MACROD2: variants seen among roughly 807,000 people sequenced by gnomAD.
MACROD2 encodes the protein mono-ADP ribosylhydrolase 2.
MACROD2 carries 36 observed loss-of-function variants against 70.4 expected under a neutral mutation model. The observed-to-expected ratio is 0.51, with a 90% CI of 0.39 to 0.68. The LOEUF is 0.68. Among genes scored for constraint, MACROD2 ranks in the 30% least tolerant of loss-of-function variants. The probability of loss-of-function intolerance (pLI) is 0.00; values close to 1 mark genes in which losing one functional copy is unlikely to be tolerated. For missense variants in MACROD2, 496 were observed against 538.4 expected (o/e 0.92, Z 0.78); for synonymous variants, 172 against 178.8 (o/e 0.96, Z 0.30).
chr20:16,002,337 C>A (rs67890822), intron 15 of MACROD2, among the ~76,000 whole-genome samples: 1 of 152,064 alleles, frequency 6.6e-6, no homozygotes, highest in Non-Finnish European at 1.5e-5. Flanking sequence ...ATCCCAGGAA[C>A]CTTTCCATGT....
chr20:15,696,889 A>G (rs1332145402), intron 8 of MACROD2, among the ~76,000 whole-genome samples: 1 of 151,058 alleles, frequency 6.6e-6, no homozygotes, highest in Non-Finnish European at 1.5e-5. Flanking sequence ...TCAGTGGTGT[A>G]GGTTGTAATA....
intron 5 of MACROD2, among the ~76,000 whole-genome samples, chr20:15,184,734 T>A (rs900288142): frequency 6.6e-6 from 1 of 152,228 alleles, no homozygotes; most frequent in African/African-American, 2.4e-5. Flanking sequence ...GTCTTCCCAG[T>A]TCCCCAGGAG....
chr20:15,403,454 GGA>G (rs72042043), intron 6 of MACROD2, among the ~76,000 whole-genome samples: 6,056 of 150,250 alleles, frequency 0.04, 370 homozygotes, highest in African/African-American at 0.14. Context: ...AGGAGGAGGA[GGA>G]GAGAGATTGT....
chr20:15,030,203 G>T (rs1470601642), intron 5 of MACROD2, among the ~76,000 whole-genome samples: 1 of 152,068 alleles, frequency 6.6e-6, no homozygotes, highest in Non-Finnish European at 1.5e-5. Context: ...AACTGTGGAA[G>T]GTCCCTTTGC....
chr20:14,520,955 G>GCA (rs1367185107), intron 4 of MACROD2, among the ~76,000 whole-genome samples: 1 of 80,880 alleles, frequency 1.2e-5, no homozygotes, highest in East Asian at 7.4e-4. Context: ...GCGTGCGTGC[G>GCA]CGCACACACA....
intron 5 of MACROD2, among the ~76,000 whole-genome samples, chr20:14,748,112 C>G (rs984815686): frequency 1.3e-5 from 2 of 152,026 alleles, no homozygotes; most frequent in Admixed American, 6.6e-5. Flanking sequence ...TGAGCCTTTC[C>G]TTCTCCTGTC....
At chr20:14,282,609 A>G (rs2082315132) in intron 3 of MACROD2, among the ~76,000 whole-genome samples, 1 of 152,168 alleles carries the variant, frequency 6.6e-6, no homozygotes, top group Non-Finnish European at 1.5e-5. Flanking sequence ...TGGGTAATTT[A>G]AAAATAAAAG....
chr20:15,111,875 A>G (rs77166251), intron 5 of MACROD2, among the ~76,000 whole-genome samples: 1 of 152,208 alleles, frequency 6.6e-6, no homozygotes, highest in Non-Finnish European at 1.5e-5. Context: ...GTCAGATGCC[A>G]GGTGCTGTTA....
chr20:14,713,893 G>A (rs936520055), intron 5 of MACROD2, among the ~76,000 whole-genome samples: 1 of 152,180 alleles, frequency 6.6e-6, no homozygotes, highest in African/African-American at 2.4e-5. Flanking sequence ...AATTCTTAAT[G>A]GAAGCGGTTT....
At chr20:15,018,305 C>T (rs117240341) in intron 5 of MACROD2, among the ~76,000 whole-genome samples, 4,477 of 152,278 alleles carry the variant, frequency 0.029, 83 homozygotes, top group South Asian at 0.035. Context: ...ACAAGAGTCA[C>T]CTTTGCTCTA....
rs573270543 is a variant in MACROD2, at chr20:14,093,942, T to A, written c.271+8214T>A. On this transcript the variant is annotated intron_variant, in intron 3 of 17. Transcript: ENST00000684519. ...GGAGCAAATACAGGCAGAGGCCAGA[T>A]CATGAAGTGCTTTGTATGTCACTTT... is the stretch of plus-strand genomic sequence containing the variant. Among the ~76,000 whole-genome samples the A allele has an allele frequency of 1.1e-3, 168 of 151,848 alleles. 1 individual carries two copies. Among genetic ancestry groups the A allele is most frequent in the African/African-American group, 3.8e-3 (157 of 41,436 alleles).
intron 5 of MACROD2, among the ~76,000 whole-genome samples, chr20:14,978,002 G>A (rs182331883): frequency 3.3e-5 from 5 of 152,148 alleles, no homozygotes; most frequent in African/African-American, 9.6e-5. Flanking sequence ...TCATATTGAA[G>A]CTTCAGATTC....
At chr20:14,635,984 A>G (rs1446319436) in intron 4 of MACROD2, among the ~76,000 whole-genome samples, 2 of 152,188 alleles carry the variant, frequency 1.3e-5, no homozygotes, top group African/African-American at 2.4e-5. Context: ...CTAATGTTCA[A>G]TGGGAAAAGT....
chr20:15,138,481 A>C (rs1275576981), intron 5 of MACROD2, among the ~76,000 whole-genome samples: 7 of 152,134 alleles, frequency 4.6e-5, no homozygotes, highest in Admixed American at 3.9e-4. Context: ...AGCTATAGCA[A>C]ATGAATATGC....
chr20:15,659,743 AG>A (rs2049791958), intron 8 of MACROD2, among the ~76,000 whole-genome samples: 1 of 152,156 alleles, frequency 6.6e-6, no homozygotes, highest in African/African-American at 2.4e-5. Flanking sequence ...ACAGTTTGGC[AG>A]GCTCTACAAG....
intron 16 of MACROD2, 68 bp downstream of exon 16, chr20:16,041,346 G>A (rs2067305269): frequency 1.6e-6 from 2 of 1,277,826 alleles, no homozygotes; most frequent in Admixed American, 4.2e-5. Flanking sequence ...TGTAATCTAG[G>A]ATTAAGGGAA....
At chr20:15,801,540 A>G (rs982082303) in intron 8 of MACROD2, among the ~76,000 whole-genome samples, 1 of 151,910 alleles carries the variant, frequency 6.6e-6, no homozygotes, top group Admixed American at 6.6e-5. Context: ...TGGAGTCTCT[A>G]TTATCTTCCA....
At chr20:15,999,884 G>C (rs2066685555) in intron 15 of MACROD2, among the ~76,000 whole-genome samples, 1 of 152,188 alleles carries the variant, frequency 6.6e-6, no homozygotes, top group African/African-American at 2.4e-5. Context: ...CCCAGGGTTA[G>C]AATGAGAGCA....
chr20:14,169,309 T>TGG (rs373105848), intron 3 of MACROD2, among the ~76,000 whole-genome samples: 8 of 149,558 alleles, frequency 5.3e-5, no homozygotes, highest in African/African-American at 2.5e-5. Context: ...TACTTTTTTT[T>TGG]GGGGGGGGGC....
Sources: gnomAD v4.1 joint callset for allele counts (sites outside exome capture counted in the v4.1 genomes callset) on GRCh38, gnomAD v4.1.1 for gene constraint, MANE v1.5 for transcripts, NCBI Gene and HGNC (gene_info 2026-07-23, HGNC 2026-07-21) for gene names.